TPM3: variants seen among roughly 807,000 people sequenced by gnomAD.
The protein encoded by TPM3 is tropomyosin alpha-3 chain.
In TPM3, 16 loss-of-function variants were observed where a neutral mutation model predicts 43.1. That is an observed-to-expected ratio of 0.37 (90% CI 0.25 to 0.56). The LOEUF is 0.56. Ranked by LOEUF, TPM3 falls within the 20% of genes least tolerant of loss-of-function variation. The pLI, the probability that TPM3 is intolerant of heterozygous loss-of-function variation, is 0.77. For synonymous variants in TPM3, 101 were observed against 116.9 expected (o/e 0.86, Z 0.88); for missense variants, 176 against 337.2 (o/e 0.52, Z 3.74).
At chr1:154,185,348 G>T (rs1231339420) in intron 2 of TPM3, among the ~76,000 whole-genome samples, 1 of 144,710 alleles carries the variant, frequency 6.9e-6, no homozygotes, top group African/African-American at 2.7e-5. Context: ...ACTCCAGCCC[G>T]GGTGACAGAG....
At chr1:154,156,878 G>A (rs985625900), downstream of TPM3, 1 of 195,710 alleles carries the variant, frequency 5.1e-6, no homozygotes, top group African/African-American at 2.3e-5. Flanking sequence ...GCAATTAAGT[G>A]GTCACCTCAA....
intron 2 of TPM3, among the ~76,000 whole-genome samples, chr1:154,179,521 T>G (rs1662706169): frequency 6.6e-6 from 1 of 151,994 alleles, no homozygotes; most frequent in Non-Finnish European, 1.5e-5. Flanking sequence ...ACTCTTAAGG[T>G]TTTTGTTATT....
At chr1:154,159,919 T>A (rs910370545), downstream of TPM3, among the ~76,000 whole-genome samples, 1 of 148,168 alleles carries the variant, frequency 6.7e-6, no homozygotes, top group Non-Finnish European at 1.5e-5. Flanking sequence ...CAGGCCACAG[T>A]TGCTCATGGC....
intron 3 of TPM3, among the ~76,000 whole-genome samples, chr1:154,175,749 A>C (rs1040714525): frequency 2.0e-5 from 3 of 152,260 alleles, no homozygotes; most frequent in Admixed American, 6.5e-5. Flanking sequence ...CCAATTTGTA[A>C]GGAAATACCA....
chr1:154,169,490 G>A (rs1661346016), intron 8 of TPM3, 107 bp from the exon 9 acceptor site: 1 of 1,090,766 alleles, frequency 9.2e-7, no homozygotes. Context: ...GTGACTGTGG[G>A]TCTAATACCA....
In TPM3 at chr1:154,162,067, T is replaced by C. The variant is rs890715632; in HGVS notation, c.*5870A>G. 6.6e-6 allele frequency among the ~76,000 whole-genome samples: 1 copy of C among 152,024 alleles called. No homozygotes were observed. The highest frequency in any genetic ancestry group is 6.6e-5 in the Admixed American group (1 of 15,254). On this transcript the variant is annotated 3_prime_UTR_variant, in exon 10 of 10. Transcript: ENST00000651641. ...TGGTCTAGCGTTCTTTTCAGCTATA[T>C]CTAATTAAGAAACAACCCCATGGCC...
chr1:154,190,348 T>C (rs1389608702), intron 2 of TPM3, among the ~76,000 whole-genome samples: 1 of 152,252 alleles, frequency 6.6e-6, no homozygotes, highest in East Asian at 1.9e-4. Flanking sequence ...TTGGTAAGAT[T>C]CCTATGGTAC....
At position 154,163,744 on chromosome 1, in the gene TPM3, C is replaced by T. The variant is rs1660639687; in HGVS notation, c.*4193G>A. 6.6e-6 allele frequency among the ~76,000 whole-genome samples: 1 copy of T among 152,134 alleles called. No individual in the cohort carries two copies. Among genetic ancestry groups the T allele is most frequent in the Non-Finnish European group, 1.5e-5 (1 of 68,022 alleles). On this transcript the variant is annotated 3_prime_UTR_variant, in exon 10 of 10. Coordinates refer to ENST00000651641, the MANE Select transcript of TPM3 (RefSeq NM_152263.4). ...CGCCTCCCGGGTTCACGCCATTCTC[C>T]TGCCTCAGCCTCCCAAGTAGTTGGG...
chr1:154,168,694 T>A (rs1263960006), intron 9 of TPM3, among the ~76,000 whole-genome samples: 1 of 152,176 alleles, frequency 6.6e-6, no homozygotes, highest in Non-Finnish European at 1.5e-5. Flanking sequence ...ACTAATTTTT[T>A]AAATATTTTT....
intron 2 of TPM3, among the ~76,000 whole-genome samples, chr1:154,181,202 T>A (rs962926767): frequency 6.6e-6 from 1 of 152,132 alleles, no homozygotes; most frequent in African/African-American, 2.4e-5. Context: ...AAAAGGTGTC[T>A]GAGGAAGACA....
Position 154,162,086 on chromosome 1 carries a change from C to T in TPM3, c.*5851G>A, listed in dbSNP as rs1269665512. On this transcript the variant is annotated 3_prime_UTR_variant, in exon 10 of 10. Coordinates refer to ENST00000651641, the MANE Select transcript of TPM3 (RefSeq NM_152263.4). ...GCTATATCTAATTAAGAAACAACCCCATGGCCAGGTGCAGTGGCTCAAGTC... is the reference window on the plus strand; with the variant it reads ...GCTATATCTAATTAAGAAACAACCCTATGGCCAGGTGCAGTGGCTCAAGTC... Among the ~76,000 whole-genome samples, 1 of 152,032 alleles carries T rather than the reference C, an allele frequency of 6.6e-6. No homozygotes were observed. The highest frequency in any genetic ancestry group is 2.1e-4 in the South Asian group (1 of 4,822).
chr1:154,161,512 T>C (rs1441844390), downstream of TPM3, among the ~76,000 whole-genome samples: 1 of 149,052 alleles, frequency 6.7e-6, no homozygotes, highest in Non-Finnish European at 1.5e-5. Context: ...TTTGGTTCAC[T>C]GCAACCTCCA....
rs1468990803 is a variant in TPM3, at chr1:154,167,082, C to T, written c.*855G>A. Reference sequence around the variant, plus strand: ...TATGTATGTAATAAATCATTAGCCTCATATGCACATTATTTGAAATATGCA... The same window carrying T: ...TATGTATGTAATAAATCATTAGCCTTATATGCACATTATTTGAAATATGCA... On this transcript the variant is annotated 3_prime_UTR_variant, in exon 10 of 10. Coordinates refer to ENST00000651641, the MANE Select transcript of TPM3 (RefSeq NM_152263.4). 6.6e-6 allele frequency among the ~76,000 whole-genome samples: 1 copy of T among 152,198 alleles called. No individual in the cohort carries two copies. Among genetic ancestry groups the T allele is most frequent in the East Asian group, 1.9e-4 (1 of 5,204 alleles).
rs68185418 is a variant in TPM3, at chr1:154,165,789, CAAAAAAAA to C, written c.*2140_*2147del. Reference sequence around the variant, plus strand: ...AGGTGACAAGAGTCAAACTCCGTCTCAAAAAAAAAAAAAAAAAGAAAAAAAGAAAAAAG... The same window carrying C: ...AGGTGACAAGAGTCAAACTCCGTCTCAAAAAAAAAGAAAAAAAGAAAAAAG... On this transcript the variant is annotated 3_prime_UTR_variant, in exon 10 of 10. Coordinates refer to ENST00000651641, the MANE Select transcript of TPM3 (RefSeq NM_152263.4). Among the ~76,000 whole-genome samples, 11 of 82,260 alleles carry C rather than the reference CAAAAAAAA, an allele frequency of 1.3e-4. No individual in the cohort carries two copies. The South Asian group carries it at 2.7e-3, about 20-fold the overall frequency. 54.0% of individuals were successfully genotyped at this position (82,260 alleles called of 152,430 possible).
intron 3 of TPM3, among the ~76,000 whole-genome samples, chr1:154,173,962 A>T (rs1661913581): frequency 6.6e-6 from 1 of 152,130 alleles, no homozygotes; most frequent in Non-Finnish European, 1.5e-5. Context: ...CCTGGGCGAC[A>T]GAGTGAGACA....
chr1:154,179,698 C>A (rs1308293679), intron 2 of TPM3, among the ~76,000 whole-genome samples: 1 of 152,108 alleles, frequency 6.6e-6, no homozygotes, highest in Admixed American at 6.5e-5. Context: ...ATTCTTGTGC[C>A]TCAGCCTCCC....
At chr1:154,176,696 C>T (rs1288659457) in intron 2 of TPM3, among the ~76,000 whole-genome samples, 1 of 150,310 alleles carries the variant, frequency 6.7e-6, no homozygotes, top group Non-Finnish European at 1.5e-5. Flanking sequence ...AGAGGGTATC[C>T]TGACTGGGTG....
intron 2 of TPM3, among the ~76,000 whole-genome samples, chr1:154,178,627 C>G: frequency 6.6e-6 from 1 of 152,162 alleles, no homozygotes; most frequent in East Asian, 1.9e-4. Flanking sequence ...CAAATAATAC[C>G]AATGGGTACC....
intron 2 of TPM3, among the ~76,000 whole-genome samples, chr1:154,189,388 T>G (rs958518764): frequency 3.9e-5 from 6 of 151,912 alleles, no homozygotes; most frequent in Non-Finnish European, 1.5e-5. Flanking sequence ...CTCGGAAGGC[T>G]GAGGCAGGAG....
Sources: allele counts gnomAD v4.1 joint callset (sites outside exome capture counted in the v4.1 genomes callset), GRCh38; gene constraint gnomAD v4.1.1; transcripts MANE v1.5; gene names NCBI Gene and HGNC (gene_info 2026-07-23, HGNC 2026-07-21).